HSPA12A: variants seen among roughly 807,000 people sequenced by gnomAD.
HSPA12A encodes heat shock 70 kDa protein 12A.
In HSPA12A, 28 loss-of-function variants were observed where a neutral mutation model predicts 69.2. The ratio of observed to expected loss-of-function variants is 0.40; its 90% confidence interval spans 0.30 to 0.55. HSPA12A has a LOEUF of 0.55. Ranked by LOEUF, HSPA12A falls within the 20% of genes least tolerant of loss-of-function variation. The pLI, the probability that HSPA12A is intolerant of heterozygous loss-of-function variation, is 0.38. For synonymous variants in HSPA12A, 345 were observed against 370.5 expected (o/e 0.93, Z 0.79); for missense variants, 686 against 900.7 (o/e 0.76, Z 3.05).
Position 116,674,706 on chromosome 10 carries a change from G to T in HSPA12A, c.*75C>A. The T allele has an allele frequency of 6.9e-7, 1 of 1,455,504 alleles. No individual in the cohort carries two copies. The highest frequency in any genetic ancestry group is 9.4e-7 in the Non-Finnish European group (1 of 1,068,090). 90.2% of individuals were successfully genotyped at this position (1,455,504 alleles called of 1,614,324 possible). The stretch of plus-strand genomic sequence containing the variant: ...GGCAATGGTGAGGGTCAAGGTTAGG[G>T]AAAGAACAGTCAAGGTTGAGGTCAG... On this transcript the variant is annotated 3_prime_UTR_variant, in exon 12 of 12. Transcript: ENST00000369209.
At chr10:116,677,784 G>A (rs1235297360) in intron 10 of HSPA12A, among the ~76,000 whole-genome samples, 5 of 152,200 alleles carry the variant, frequency 3.3e-5, no homozygotes, top group African/African-American at 1.2e-4. Context: ...CAAATGTCAT[G>A]TCAAAGGGAT....
upstream of HSPA12A, among the ~76,000 whole-genome samples, chr10:116,746,136 C>T (rs564726262): frequency 2.4e-4 from 37 of 152,252 alleles, no homozygotes; most frequent in Admixed American, 4.6e-4. Context: ...TCCGGGATCC[C>T]GTTCACCCAC....
At chr10:116,766,648 C>A (rs561237492) in intron 2 of HSPA12A, among the ~76,000 whole-genome samples, 3 of 152,282 alleles carry the variant, frequency 2.0e-5, no homozygotes, top group South Asian at 2.1e-4. Flanking sequence ...CCCAGATTGT[C>A]ATTTCCTCCC....
rs1467035826 is a variant in HSPA12A, at chr10:116,685,532, G to A, written c.664-1570C>T. On this transcript the variant is annotated intron_variant, in intron 6 of 11. Coordinates refer to ENST00000369209, the MANE Select transcript of HSPA12A (RefSeq NM_025015.3). ...TGCCTGTAATCCCAGCTACTCGGGA[G>A]GCTGAGGCAGGAGAAATGCTTGAAC... Among the ~76,000 whole-genome samples the A allele has an allele frequency of 4.0e-5, 6 of 151,856 alleles. No individual in the cohort carries two copies. The South Asian group carries it at 1.0e-3, about 26-fold the overall frequency.
upstream of HSPA12A, among the ~76,000 whole-genome samples, chr10:116,744,968 C>A (rs2133076787): frequency 6.6e-6 from 1 of 152,292 alleles, no homozygotes; most frequent in East Asian, 1.9e-4. Context: ...AAATTGGCCT[C>A]CTGATGCCTC....
intron 1 of HSPA12A, chr10:116,708,159 C>T (rs1211950566): frequency 6.6e-6 from 1 of 152,170 alleles, no homozygotes; most frequent in Non-Finnish European, 1.5e-5. Flanking sequence ...CGCTACAGTG[C>T]TCTCCCTGCC....
At chr10:116,791,537 C>T (rs903251289) in intron 2 of HSPA12A, among the ~76,000 whole-genome samples, 3 of 152,164 alleles carry the variant, frequency 2.0e-5, no homozygotes, top group African/African-American at 7.2e-5. Flanking sequence ...TGCTTGGAGT[C>T]CACATGTCTC....
At chr10:116,817,010 G>T (rs1446073506) in intron 2 of HSPA12A, among the ~76,000 whole-genome samples, 1 of 152,174 alleles carries the variant, frequency 6.6e-6, no homozygotes, top group Non-Finnish European at 1.5e-5. Flanking sequence ...GTGGAAACAT[G>T]AAATCTACAG....
At position 116,707,153 on chromosome 10, in the gene HSPA12A, G is replaced by GCACA. The variant is rs59728190; in HGVS notation, c.126+43_126+46dup. 3.2e-3 allele frequency: 1,871 copies of GCACA among 582,438 alleles called. 2 individuals carry two copies. The highest frequency in any genetic ancestry group is 0.018 in the South Asian group (615 of 35,116). 36.1% of individuals were successfully genotyped at this position (582,438 alleles called of 1,614,324 possible). A position where few individuals can be genotyped will look rare whatever the true frequency, so the allele number is the denominator to read the frequency against. Reference sequence around the variant, plus strand: ...CGTGTGCTCATGCGCACCCATGCGCGCACACACACACACACACACACACAC... The same window carrying GCACA: ...CGTGTGCTCATGCGCACCCATGCGCGCACACACACACACACACACACACACACAC... On this transcript the variant is annotated intron_variant, in intron 2 of 11. Coordinates refer to ENST00000369209, the MANE Select transcript of HSPA12A (RefSeq NM_025015.3).
chr10:116,795,589 G>A (rs1330511309), intron 2 of HSPA12A, among the ~76,000 whole-genome samples: 2 of 150,374 alleles, frequency 1.3e-5, no homozygotes, highest in Non-Finnish European at 3.0e-5. Flanking sequence ...AGGAGGCTGG[G>A]GCAGGAGAAT....
chr10:116,706,755 T>C (rs556170945), intron 2 of HSPA12A, among the ~76,000 whole-genome samples: 1 of 152,260 alleles, frequency 6.6e-6, no homozygotes, highest in South Asian at 2.1e-4. Flanking sequence ...GGCAAGCTGT[T>C]CCAGAAGCGA....
chr10:116,674,790 T>C lies in HSPA12A; in HGVS notation c.2019A>G (p.Leu673=). 1 of 1,604,530 alleles carries C rather than the reference T, an allele frequency of 6.2e-7. No homozygotes were observed. The highest frequency in any genetic ancestry group is 1.1e-5 in the South Asian group (1 of 91,016). Residue 673 remains leucine, a synonymous_variant, in exon 12 of 12, where the codon TTA becomes TTG. Transcript: ENST00000369209. ...CAGCGGGGCGGGAGGGTTAGTAATTTAAGAAGTCGATCCCAACTTTGACAC... is the reference window on the plus strand; with the variant it reads ...CAGCGGGGCGGGAGGGTTAGTAATTCAAGAAGTCGATCCCAACTTTGACAC... The part of the protein sequence containing the change: ...SKSVKVGIDF[L]NY
chr10:116,848,117 T>C (rs1408759610), intron 1 of HSPA12A, among the ~76,000 whole-genome samples: 1 of 152,234 alleles, frequency 6.6e-6, no homozygotes, highest in Non-Finnish European at 1.5e-5. Context: ...AAGGGTTCAC[T>C]CAACACCTAT....
At chr10:116,704,735 T>C (rs1850189901) in intron 3 of HSPA12A, among the ~76,000 whole-genome samples, 1 of 152,184 alleles carries the variant, frequency 6.6e-6, no homozygotes, top group Non-Finnish European at 1.5e-5. Context: ...AGGGAGGTAT[T>C]GTCAGGATTC....
intron 2 of HSPA12A, among the ~76,000 whole-genome samples, chr10:116,780,045 T>C (rs1844429914): frequency 6.6e-6 from 1 of 152,174 alleles, no homozygotes; most frequent in Admixed American, 6.5e-5. Flanking sequence ...GCAAGCTGTT[T>C]GGGCACTGCG....
intron 2 of HSPA12A, among the ~76,000 whole-genome samples, chr10:116,780,786 C>T (rs1385017592): frequency 1.1e-4 from 17 of 152,062 alleles, no homozygotes; most frequent in African/African-American, 3.1e-4. Flanking sequence ...AAAATATCTA[C>T]AAGCAAAGTA....
intron 2 of HSPA12A, among the ~76,000 whole-genome samples, chr10:116,795,868 C>T (rs964547013): frequency 1.3e-5 from 2 of 150,642 alleles, no homozygotes; most frequent in South Asian, 4.2e-4. Flanking sequence ...AATTAAAGGC[C>T]GGGCGCGGTG....
chr10:116,783,603 T>C (rs1416499084), intron 2 of HSPA12A, among the ~76,000 whole-genome samples: 2 of 152,294 alleles, frequency 1.3e-5, no homozygotes, highest in Non-Finnish European at 2.9e-5. Flanking sequence ...TTGTAACACA[T>C]AAACTGGGGC....
chr10:116,787,834 A>G (rs1044725472), intron 2 of HSPA12A, among the ~76,000 whole-genome samples: 7 of 152,142 alleles, frequency 4.6e-5, no homozygotes, highest in Non-Finnish European at 1.0e-4. Flanking sequence ...GTGCCTGGTC[A>G]TGGAGGGGTG....
Sources: gnomAD v4.1 joint callset for allele counts (sites outside exome capture counted in the v4.1 genomes callset) on GRCh38, gnomAD v4.1.1 for gene constraint, MANE v1.5 for transcripts, NCBI Gene and HGNC (gene_info 2026-07-23, HGNC 2026-07-21) for gene names.